The following UNC5C variants were observed in gnomAD, a reference collection of about 807,000 sequenced individuals.
UNC5C encodes unc-5 netrin receptor C, also known as netrin receptor UNC5C.
A neutral mutation model predicts 99.8 loss-of-function variants in UNC5C; 47 were observed. The ratio of observed to expected loss-of-function variants is 0.47; its 90% CI spans 0.37 to 0.60. The LOEUF (loss-of-function observed/expected upper bound fraction) is 0.60. Among genes scored for constraint, UNC5C ranks in the 20% least tolerant of loss-of-function variants. The pLI, the probability that UNC5C is intolerant of heterozygous loss-of-function variation, is 0.00. For missense variants in UNC5C, 1,062 were observed against 1,165.9 expected (o/e 0.91, Z 1.30); for synonymous variants, 487 against 452.2 (o/e 1.08, Z -0.98).
At chr4:95,279,067 C>T (rs1036384793) in intron 3 of UNC5C, among the ~76,000 whole-genome samples, 2 of 152,110 alleles carry the variant, frequency 1.3e-5, no homozygotes, top group Non-Finnish European at 2.9e-5. Context: ...TTCCTCTTTT[C>T]TCACAATGGA....
chr4:95,169,058 G>A lies in UNC5C; in HGVS notation c.*176C>T, dbSNP rs1735976509. 6 of 684,164 alleles carry A rather than the reference G, an allele frequency of 8.8e-6. No individual in the cohort carries two copies. The South Asian group carries it at 9.2e-5, about 10-fold the overall frequency. 42.4% of individuals were successfully genotyped at this position (684,164 alleles called of 1,614,324 possible). A position where few individuals can be genotyped will look rare whatever the true frequency, so the allele number is the denominator to read the frequency against. On this transcript the variant is annotated 3_prime_UTR_variant, in exon 16 of 16. Coordinates refer to ENST00000453304, the MANE Select transcript of UNC5C (RefSeq NM_003728.4). ...TTTCTTAACTCCCGTGATGATGTCC[G>A]AGTAAAGTGGGCATGTACATGGGCA...
intron 1 of UNC5C, among the ~76,000 whole-genome samples, chr4:95,350,273 G>A (rs1204221838): frequency 1.3e-5 from 2 of 152,038 alleles, no homozygotes; most frequent in Non-Finnish European, 2.9e-5. Context: ...AGATCATGAA[G>A]TCAAGAGATC....
chr4:95,546,934 C>A (rs542603110), intron 1 of UNC5C, among the ~76,000 whole-genome samples: 1 of 152,118 alleles, frequency 6.6e-6, no homozygotes, highest in Non-Finnish European at 1.5e-5. Context: ...CCCCGTCCCC[C>A]TCTCCCGCCA....
At chr4:95,183,749 AAGC>A in intron 13 of UNC5C, among the ~76,000 whole-genome samples, 1 of 152,322 alleles carries the variant, frequency 6.6e-6, no homozygotes. Flanking sequence ...TGGCTGTAAA[AAGC>A]AGTGGCTTCG....
intron 2 of UNC5C, among the ~76,000 whole-genome samples, chr4:95,321,529 G>T (rs1267761096): frequency 6.6e-6 from 1 of 152,164 alleles, no homozygotes; most frequent in South Asian, 2.1e-4. Flanking sequence ...TTGCAGCTGA[G>T]TTTATGTTGG....
chr4:95,473,426 G>T (rs1038941563), intron 1 of UNC5C, among the ~76,000 whole-genome samples: 17 of 152,180 alleles, frequency 1.1e-4, no homozygotes, highest in East Asian at 9.7e-4. Flanking sequence ...AGAGCTTGCT[G>T]CTTCTTTGTA....
chr4:95,378,639 T>C (rs546803239), intron 1 of UNC5C, among the ~76,000 whole-genome samples: 17 of 152,192 alleles, frequency 1.1e-4, no homozygotes, highest in Non-Finnish European at 1.5e-4. Flanking sequence ...ATTTAATGAA[T>C]GAATAATTCC....
Position 95,183,072 on chromosome 4 carries a change from T to A in UNC5C, c.2287-11A>T. 1 of 1,596,042 alleles carries A rather than the reference T, an allele frequency of 6.3e-7. No individual in the cohort carries two copies. Among genetic ancestry groups the A allele is most frequent in the Non-Finnish European group, 8.6e-7 (1 of 1,165,760 alleles). On this transcript the variant is annotated splice_polypyrimidine_tract_variant and intron_variant, in intron 13 of 15. Transcript: ENST00000453304. ...GTAAAATGGAATTTCCTAAAGGATA[T>A]GAAAGTGTTAACCACAATTGAAGGA... is the stretch of plus-strand genomic sequence containing the variant.
intron 1 of UNC5C, among the ~76,000 whole-genome samples, chr4:95,433,078 C>G (rs976281434): frequency 6.6e-6 from 1 of 152,076 alleles, no homozygotes; most frequent in Non-Finnish European, 1.5e-5. Context: ...CACTAATAGA[C>G]TCCAGTGTGT....
chr4:95,464,280 A>G (rs1747702615), intron 1 of UNC5C, among the ~76,000 whole-genome samples: 1 of 152,204 alleles, frequency 6.6e-6, no homozygotes, highest in African/African-American at 2.4e-5. Flanking sequence ...TGCTGGGAGG[A>G]GTTGGAACAA....
intron 1 of UNC5C, among the ~76,000 whole-genome samples, chr4:95,482,091 A>G (rs1314400298): frequency 6.6e-6 from 1 of 152,124 alleles, no homozygotes; most frequent in African/African-American, 2.4e-5. Flanking sequence ...ATGGAAGAAA[A>G]TTTTTGCAAC....
At chr4:95,175,799 A>G (rs1352672763) in intron 14 of UNC5C, among the ~76,000 whole-genome samples, 3 of 152,110 alleles carry the variant, frequency 2.0e-5, no homozygotes, top group Non-Finnish European at 4.4e-5. Flanking sequence ...CTGCCTTGCT[A>G]GACTGGGGAA....
intron 1 of UNC5C, among the ~76,000 whole-genome samples, chr4:95,374,950 C>T (rs771320071): frequency 6.6e-6 from 1 of 151,986 alleles, no homozygotes; most frequent in South Asian, 2.1e-4. Flanking sequence ...AACTATAATG[C>T]TGAATATTTA....
chr4:95,250,511 T>A lies in UNC5C; in HGVS notation c.751A>T (p.Thr251Ser). The A allele has an allele frequency of 6.2e-7, 1 of 1,614,062 alleles. No homozygotes were observed. The highest frequency in any genetic ancestry group is 8.5e-7 in the Non-Finnish European group (1 of 1,179,960). ...CCATAGACTATGACAGTGGCAGTTG[T>A]ACTTTTCCTCTTGGCAACAATGTTT... is the stretch of plus-strand genomic sequence containing the variant. ...AKNIVAKRKS[T>S]TATVIVYVNG... The change falls in exon 5 of 16, where the codon ACA (threonine) becomes TCA (serine). Residue 251 changes from threonine (T) to serine (S), a missense_variant. Transcript: ENST00000453304.
intron 1 of UNC5C, among the ~76,000 whole-genome samples, chr4:95,537,522 A>G (rs1282732844): frequency 6.6e-6 from 1 of 152,206 alleles, no homozygotes; most frequent in Non-Finnish European, 1.5e-5. Flanking sequence ...ACACTGTCCT[A>G]GAGAATATGT....
At chr4:95,232,703 C>T (rs139410708) in intron 7 of UNC5C, among the ~76,000 whole-genome samples, 3 of 152,230 alleles carry the variant, frequency 2.0e-5, no homozygotes, top group African/African-American at 7.2e-5. Flanking sequence ...AAGTTTCTAA[C>T]CACATCCCTG....
At chr4:95,280,095 C>A (rs750327546) in intron 3 of UNC5C, among the ~76,000 whole-genome samples, 2 of 152,058 alleles carry the variant, frequency 1.3e-5, no homozygotes, top group African/African-American at 2.4e-5. Context: ...CCTAACAGAC[C>A]ACGGACCAGT....
At chr4:95,205,838 T>G (rs1000729617) in intron 11 of UNC5C, among the ~76,000 whole-genome samples, 18 of 152,088 alleles carry the variant, frequency 1.2e-4, no homozygotes, top group Admixed American at 8.5e-4. Context: ...ATGCTGCAGA[T>G]TTTCTTCCTT....
At chr4:95,523,721 T>C (rs1317305707) in intron 1 of UNC5C, among the ~76,000 whole-genome samples, 1 of 152,202 alleles carries the variant, frequency 6.6e-6, no homozygotes, top group Non-Finnish European at 1.5e-5. Flanking sequence ...GTTAAAACCA[T>C]GTACTACAAA....
Sources: allele counts gnomAD v4.1 joint callset (sites outside exome capture counted in the v4.1 genomes callset), GRCh38; gene constraint gnomAD v4.1.1; transcripts MANE v1.5; gene names NCBI Gene and HGNC (gene_info 2026-07-23, HGNC 2026-07-21).